Variants in ANO1 observed in about 807,000 individuals in gnomAD.
ANO1 encodes the protein anoctamin 1, also known as anoctamin-1.
A neutral mutation model predicts 124.0 loss-of-function variants in ANO1; 59 were observed. That is an observed-to-expected ratio of 0.48 (90% confidence interval 0.39 to 0.59). The LOEUF (loss-of-function observed/expected upper bound fraction) is 0.59, where lower values mean the gene tolerates loss of function less well. ANO1 is among the 20% of genes least tolerant of loss of function. ANO1 has a pLI of 0.00. For missense variants in ANO1, 1,059 were observed against 1,328.0 expected (o/e 0.80, Z 3.15); for synonymous variants, 529 against 532.0 (o/e 0.99, Z 0.08).
chr11:70,053,041 T>G (rs1857379008), intron 1 of ANO1, among the ~76,000 whole-genome samples: 1 of 152,170 alleles, frequency 6.6e-6, no homozygotes, highest in Non-Finnish European at 1.5e-5. Context: ...AAGGCATGAG[T>G]TTTTAGGATT....
In ANO1 at chr11:70,088,025, A is replaced by C. The variant is rs1239094873; in HGVS notation, c.382A>C (p.Arg128=). The C allele has an allele frequency of 6.6e-7, 1 of 1,514,586 alleles. No individual in the cohort carries two copies. Among genetic ancestry groups the C allele is most frequent in the Non-Finnish European group, 8.8e-7 (1 of 1,131,554 alleles). The allele number at this position is 1,514,586 out of a possible 1,614,324, so 93.8% of individuals were successfully genotyped here. Residue 128 remains arginine (R), a synonymous_variant, in exon 2 of 26, where the codon AGG becomes CGG. Coordinates refer to ENST00000355303, the MANE Select transcript of ANO1 (RefSeq NM_018043.7). ...CCACGAGGATGACAAGCGCTTCCGCAGGGAGGAGTACGAGGGCAACCTCCT... is the reference window on the plus strand; with the variant it reads ...CCACGAGGATGACAAGCGCTTCCGCCGGGAGGAGTACGAGGGCAACCTCCT... The part of the protein sequence containing the change: ...DYHEDDKRFR[R]EEYEGNLLEA...
chr11:70,156,127 C>T, intron 15 of ANO1, 139 bp downstream of exon 15: 1 of 909,090 alleles, frequency 1.1e-6, no homozygotes, highest in Non-Finnish European at 1.6e-6. Context: ...CCTTCGGCAC[C>T]CAGTGAGCCC....
At chr11:70,077,553 G>A (rs778919567), upstream of ANO1, among the ~76,000 whole-genome samples, 2 of 152,162 alleles carry the variant, frequency 1.3e-5, no homozygotes, top group African/African-American at 2.4e-5. Context: ...AGGTCCGGGG[G>A]TAAGAGAGAT....
chr11:70,160,403 G>A (rs1374315526), intron 16 of ANO1, among the ~76,000 whole-genome samples: 1 of 152,174 alleles, frequency 6.6e-6, no homozygotes, highest in African/African-American at 2.4e-5. Context: ...GACAGACAGA[G>A]GTGTGTGGAA....
At chr11:70,022,440 A>G (rs1170113633) in intron 1 of ANO1, among the ~76,000 whole-genome samples, 1 of 152,056 alleles carries the variant, frequency 6.6e-6, no homozygotes, top group African/African-American at 2.4e-5. Flanking sequence ...CTCTACCAAA[A>G]ATACAAAAAT....
At chr11:70,144,770 C>T (rs1002345652) in intron 11 of ANO1, among the ~76,000 whole-genome samples, 5 of 152,236 alleles carry the variant, frequency 3.3e-5, no homozygotes, top group Admixed American at 1.3e-4. Context: ...ATTGTACACT[C>T]ATGTGGGTGG....
At chr11:70,181,634 CAAT>C (rs896288776) in intron 23 of ANO1, among the ~76,000 whole-genome samples, 2 of 152,188 alleles carry the variant, frequency 1.3e-5, no homozygotes, top group African/African-American at 4.8e-5. Context: ...GCAGCAACAA[CAAT>C]AACAGCAGGC....
intron 1 of ANO1, among the ~76,000 whole-genome samples, chr11:70,041,525 T>G (rs1555005051): frequency 6.6e-6 from 1 of 152,196 alleles, no homozygotes; most frequent in East Asian, 1.9e-4. Flanking sequence ...TTCATCCAGT[T>G]GGCAGAACTA....
In ANO1 at chr11:70,078,727, G is replaced by T; in HGVS notation, c.108+13G>T. 6.9e-7 allele frequency: 1 copy of T among 1,455,110 alleles called. No individual in the cohort carries two copies. Among genetic ancestry groups the T allele is most frequent in the Non-Finnish European group, 9.2e-7 (1 of 1,089,410 alleles). 90.1% of individuals were successfully genotyped at this position (1,455,110 alleles called of 1,614,324 possible). ...GTCCGAGGGCACGGTGAGTGCGGGCGGCCGCGACCCGGGCGGGAGGGCCGC... is the reference window on the plus strand; with the variant it reads ...GTCCGAGGGCACGGTGAGTGCGGGCTGCCGCGACCCGGGCGGGAGGGCCGC... On this transcript the variant is annotated intron_variant, in intron 1 of 25. Transcript: ENST00000355303.
Position 70,155,954 on chromosome 11 carries a change from A to T in ANO1, c.1469A>T (p.Gln490Leu). ...GAGGAGTCAACAAACAAATGGAAGC[A>T]GAGGGTTAAGACAGCCATGGCGGGG... Reference protein sequence around the residue: ...IPEESTNKWKQRVKTAMAGVK... With the variant: ...IPEESTNKWKLRVKTAMAGVK... The change falls in exon 15 of 26, where the codon CAG (glutamine) becomes CTG (leucine). Residue 490 changes from glutamine (Q) to leucine (L), a missense_variant. Transcript: ENST00000355303. The T allele has an allele frequency of 6.5e-7, 1 of 1,540,316 alleles. No homozygotes were observed. The highest frequency in any genetic ancestry group is 1.7e-4 in the Middle Eastern group (1 of 5,968).
chr11:70,077,419 C>T (rs2044076096), upstream of ANO1, among the ~76,000 whole-genome samples: 1 of 152,164 alleles, frequency 6.6e-6, no homozygotes, highest in Non-Finnish European at 1.5e-5. Context: ...ACTTTATTTC[C>T]ACTGGATGTG....
At chr11:69,987,017 T>A (rs1329750526) in intron 1 of ANO1, among the ~76,000 whole-genome samples, 1 of 152,146 alleles carries the variant, frequency 6.6e-6, no homozygotes, top group South Asian at 2.1e-4. Flanking sequence ...CCTTTTATTC[T>A]TCCCCCCTCC....
At chr11:70,000,926 C>G (rs1856371179) in intron 1 of ANO1, among the ~76,000 whole-genome samples, 1 of 151,322 alleles carries the variant, frequency 6.6e-6, no homozygotes, top group South Asian at 2.1e-4. Context: ...ACATGAGATA[C>G]CCAGCTTTGG....
At chr11:70,100,393 G>A (rs538385616) in intron 2 of ANO1, among the ~76,000 whole-genome samples, 1 of 152,330 alleles carries the variant, frequency 6.6e-6, no homozygotes, top group Non-Finnish European at 1.5e-5. Flanking sequence ...AGCAGAGAAT[G>A]GCAGAGGGAA....
chr11:69,999,373 G>T (rs1339158194), intron 1 of ANO1, among the ~76,000 whole-genome samples: 1 of 152,158 alleles, frequency 6.6e-6, no homozygotes, highest in Non-Finnish European at 1.5e-5. Context: ...CTGTCCCCAT[G>T]ATCCTATCAC....
intron 2 of ANO1, among the ~76,000 whole-genome samples, chr11:70,090,159 C>T (rs976198222): frequency 1.3e-5 from 2 of 152,210 alleles, no homozygotes; most frequent in African/African-American, 4.8e-5. Context: ...AGGCGCCCGC[C>T]GTCACGCCCA....
At chr11:70,003,361 A>T (rs533683504) in intron 1 of ANO1, among the ~76,000 whole-genome samples, 1 of 152,272 alleles carries the variant, frequency 6.6e-6, no homozygotes, top group African/African-American at 2.4e-5. Context: ...CTGTCTCCTG[A>T]CTCTGATATG....
chr11:70,116,673 C>T (rs1201599491), intron 8 of ANO1, 174 bp downstream of exon 8: 11 of 595,074 alleles, frequency 1.8e-5, no homozygotes, highest in Non-Finnish European at 2.7e-5. Context: ...GAGAAAAGTC[C>T]GTGAGCTTTG....
upstream of ANO1, among the ~76,000 whole-genome samples, chr11:69,985,364 G>A (rs1483350896): frequency 6.6e-6 from 1 of 151,618 alleles, no homozygotes; most frequent in East Asian, 1.9e-4. Context: ...GGGCAGAGGC[G>A]AATTTCTGGA....
Sources: allele counts gnomAD v4.1 joint callset (sites outside exome capture counted in the v4.1 genomes callset), GRCh38; gene constraint gnomAD v4.1.1; transcripts MANE v1.5; gene names NCBI Gene and HGNC (gene_info 2026-07-23, HGNC 2026-07-21).